The following LRRC3C variants were observed in gnomAD, a reference collection of about 807,000 sequenced individuals.
LRRC3C encodes leucine-rich repeat-containing protein 3C.
In LRRC3C, 11 loss-of-function variants were observed where a neutral mutation model predicts 14.8. The observed-to-expected ratio is 0.74, with a 90% confidence interval of 0.47 to 1.23. LRRC3C has a LOEUF of 1.23. LRRC3C is among the 50% of genes most tolerant of loss of function. The probability of loss-of-function intolerance (pLI) is 0.00; values close to 1 mark genes in which losing one functional copy is unlikely to be tolerated. For missense variants in LRRC3C, 354 were observed against 361.8 expected (o/e 0.98, Z 0.18); for synonymous variants, 149 against 161.5 (o/e 0.92, Z 0.59).
chr17:39,944,321 C>CTT lies in LRRC3C; in HGVS notation c.415_416insTT (p.Gln139LeufsTer18). 1 of 1,535,676 alleles carries CTT rather than the reference C, an allele frequency of 6.5e-7. No individual in the cohort carries two copies. Among genetic ancestry groups the CTT allele is most frequent in the Non-Finnish European group, 8.7e-7 (1 of 1,146,760 alleles). On this transcript the variant is annotated frameshift_variant, in exon 4 of 4. Coordinates refer to ENST00000377924, the MANE Select transcript of LRRC3C (RefSeq NM_001195545.2). LOFTEE classifies it high-confidence loss of function. Reference sequence around the variant, plus strand: ...GCGCCACCTCGACCTCTCTGCCAACCAGCTGGCCTCAGTGCCCGTGGAGGC... The same window carrying CTT: ...GCGCCACCTCGACCTCTCTGCCAACCTTAGCTGGCCTCAGTGCCCGTGGAGGC...
At chr17:39,937,965 C>G (rs1197145718) in intron 2 of LRRC3C, among the ~76,000 whole-genome samples, 1 of 152,072 alleles carries the variant, frequency 6.6e-6, no homozygotes, top group African/African-American at 2.4e-5. Flanking sequence ...AAACCCGTCT[C>G]TACTAAAAAT....
At chr17:39,940,442 G>A (rs567418769) in intron 2 of LRRC3C, among the ~76,000 whole-genome samples, 4 of 152,078 alleles carry the variant, frequency 2.6e-5, no homozygotes, top group East Asian at 1.9e-4. Flanking sequence ...AGACAGAGTC[G>A]CACTCTGTCA....
intron 2 of LRRC3C, among the ~76,000 whole-genome samples, chr17:39,936,545 G>A (rs1568118112): frequency 6.6e-6 from 1 of 151,720 alleles, no homozygotes; most frequent in Non-Finnish European, 1.5e-5. Flanking sequence ...GCTCACGCTT[G>A]TAATCCCAAC....
At chr17:39,935,189 G>C (rs1342026844) in intron 1 of LRRC3C, among the ~76,000 whole-genome samples, 4 of 152,100 alleles carry the variant, frequency 2.6e-5, no homozygotes, top group Non-Finnish European at 4.4e-5. Flanking sequence ...TGACAGAACT[G>C]CACGTCCCAG....
intron 3 of LRRC3C, among the ~76,000 whole-genome samples, 192 bp from the exon 4 acceptor site, chr17:39,943,740 CT>C (rs1393260001): frequency 6.6e-6 from 1 of 152,128 alleles, no homozygotes; most frequent in Non-Finnish European, 1.5e-5. Flanking sequence ...CCAAAAGACC[CT>C]ATTGAGGAGA....
At chr17:39,940,992 C>A (rs945895652) in intron 2 of LRRC3C, among the ~76,000 whole-genome samples, 1 of 152,026 alleles carries the variant, frequency 6.6e-6, no homozygotes, top group Non-Finnish European at 1.5e-5. Context: ...GATCCACCCA[C>A]CTCGGCCTCC....
Position 39,944,799 on chromosome 17 carries a change from AC to A in LRRC3C, c.*70del. ...CCCCTATGCCCTCTCCTTTGCTCTG[AC>A]CCCCTCTGCCTCCTGTGCAGCTTCA... On this transcript the variant is annotated 3_prime_UTR_variant, in exon 4 of 4. Coordinates refer to ENST00000377924, the MANE Select transcript of LRRC3C (RefSeq NM_001195545.2). The A allele has an allele frequency of 7.0e-7, 1 of 1,425,178 alleles. No homozygotes were observed. The highest frequency in any genetic ancestry group is 9.4e-7 in the Non-Finnish European group (1 of 1,062,688). 88.3% of individuals were successfully genotyped at this position (1,425,178 alleles called of 1,614,324 possible). A position where few individuals can be genotyped will look rare whatever the true frequency, so the allele number is the denominator to read the frequency against.
In LRRC3C at chr17:39,944,569, C is replaced by G. The variant is rs145060487; in HGVS notation, c.663C>G (p.Thr221=). The G allele has an allele frequency of 2.0e-3, 2,990 of 1,531,224 alleles. 43 individuals carry two copies. The African/African-American group carries it at 0.035, about 18-fold the overall frequency. The allele number at this position is 1,531,224 out of a possible 1,614,324, so 94.9% of individuals were successfully genotyped here. The change falls in exon 4 of 4, where the codon ACC becomes ACG. Residue 221 remains threonine (T), a synonymous_variant. Coordinates refer to ENST00000377924, the MANE Select transcript of LRRC3C (RefSeq NM_001195545.2). ...GGTGGGGTGGGGCCCGGAGGAGCACCGATGTGGCCCTGCTGGTCACCATGG... is the reference window on the plus strand; with the variant it reads ...GGTGGGGTGGGGCCCGGAGGAGCACGGATGTGGCCCTGCTGGTCACCATGG... The part of the protein sequence containing the change: ...GSGWGGARRS[T]DVALLVTMGG...
At position 39,938,994 on chromosome 17, in the gene LRRC3C, C is replaced by T. The variant is rs1978871370; in HGVS notation, c.-81-2449C>T. On this transcript the variant is annotated intron_variant, in intron 2 of 3. Transcript: ENST00000377924. ...TCAGAGAGAGACTCCAGACTCTGCA[C>T]TCCAGAGAGAGACTCCATCTCAAAG... Among the ~76,000 whole-genome samples, 3 of 148,482 alleles carry T rather than the reference C, an allele frequency of 2.0e-5. No individual in the cohort carries two copies. The South Asian group carries it at 6.5e-4, about 32-fold the overall frequency.
chr17:39,932,079 G>A (rs1568116486), intron 1 of LRRC3C, among the ~76,000 whole-genome samples: 1 of 152,168 alleles, frequency 6.6e-6, no homozygotes, highest in Non-Finnish European at 1.5e-5. Context: ...AGACTGCCAG[G>A]GTTCAACTCG....
At chr17:39,931,646 CTTTTTTTTT>C (rs60209396) in intron 1 of LRRC3C, among the ~76,000 whole-genome samples, 16 of 93,502 alleles carry the variant, frequency 1.7e-4, no homozygotes, top group African/African-American at 4.4e-4. Context: ...ATTTTCTATA[CTTTTTTTTT>C]TTTTTTTTTT....
rs551406033 is a variant in LRRC3C, at chr17:39,933,473, G to A, written c.-174-2329G>A. Among the ~76,000 whole-genome samples the A allele has an allele frequency of 2.3e-3, 356 of 152,278 alleles. 1 individual carries two copies. Among genetic ancestry groups the A allele is most frequent in the African/African-American group, 8.2e-3 (340 of 41,570 alleles). On this transcript the variant is annotated intron_variant, in intron 1 of 3. Transcript: ENST00000377924. ...CCTCGAGCTGGGTGCGATGGCTCAC[G>A]CCTGTAATCCCAGCACTTTGGGAGG... is the stretch of plus-strand genomic sequence containing the variant.
chr17:39,934,968 C>T (rs1297131836), intron 1 of LRRC3C, among the ~76,000 whole-genome samples: 2 of 152,110 alleles, frequency 1.3e-5, no homozygotes, highest in African/African-American at 4.8e-5. Flanking sequence ...GCAGTGAGGA[C>T]CACCAGCGGT....
At chr17:39,941,687 G>T in intron 3 of LRRC3C, 138 bp downstream of exon 3, 1 of 744,734 alleles carries the variant, frequency 1.3e-6, no homozygotes, top group Non-Finnish European at 2.2e-6. Flanking sequence ...CAAGGATGTA[G>T]GGTATTGGTA....
rs547375590 is a variant in LRRC3C at position 39,944,909 on chromosome 17, C to T, written c.*175C>T. Reference sequence around the variant, plus strand: ...TGGTTCTCTCTCTCTCTCTCTGTGTCGTCTTAACCAACACCATCTTTGGTG... The same window carrying T: ...TGGTTCTCTCTCTCTCTCTCTGTGTTGTCTTAACCAACACCATCTTTGGTG... On this transcript the variant is annotated 3_prime_UTR_variant, in exon 4 of 4. Coordinates refer to ENST00000377924, the MANE Select transcript of LRRC3C (RefSeq NM_001195545.2). Among the ~76,000 whole-genome samples the T allele has an allele frequency of 3.4e-4, 51 of 149,228 alleles. No individual in the cohort carries two copies. In the South Asian group the frequency reaches 4.0e-3, roughly 12 times the overall value.
chr17:39,938,757 A>C (rs1978865118), intron 2 of LRRC3C, among the ~76,000 whole-genome samples: 1 of 152,104 alleles, frequency 6.6e-6, no homozygotes, highest in Non-Finnish European at 1.5e-5. Context: ...AGGCCAAGGA[A>C]GGTGGATCAC....
chr17:39,940,628 T>C (rs75541765), intron 2 of LRRC3C, among the ~76,000 whole-genome samples: 15,828 of 145,674 alleles, frequency 0.11, 934 homozygotes, highest in African/African-American at 0.13. Flanking sequence ...TTTTTTTTTT[T>C]CTGGAGAGAC....
At chr17:39,934,191 A>G (rs748367720) in intron 1 of LRRC3C, among the ~76,000 whole-genome samples, 6 of 152,220 alleles carry the variant, frequency 3.9e-5, no homozygotes, top group Non-Finnish European at 7.3e-5. Context: ...GTGCCTGGGA[A>G]CAAGAACCTC....
At chr17:39,937,350 C>G (rs1235342755) in intron 2 of LRRC3C, among the ~76,000 whole-genome samples, 2 of 151,482 alleles carry the variant, frequency 1.3e-5, no homozygotes, top group African/African-American at 4.9e-5. Flanking sequence ...GCAGGAGAAT[C>G]GCCTGAACCT....
Sources: allele counts gnomAD v4.1 joint callset (sites outside exome capture counted in the v4.1 genomes callset), GRCh38; gene constraint gnomAD v4.1.1; transcripts MANE v1.5; gene names NCBI Gene and HGNC (gene_info 2026-07-23, HGNC 2026-07-21).